MINAR1: variants seen among roughly 807,000 people sequenced by gnomAD.
MINAR1 encodes major intrinsically disordered Notch2-binding receptor 1.
MINAR1 carries 40 observed loss-of-function variants against 65.1 expected under a neutral mutation model. The ratio of observed to expected loss-of-function variants is 0.61; its 90% CI spans 0.48 to 0.80. The LOEUF (loss-of-function observed/expected upper bound fraction) is 0.80, where lower values mean the gene tolerates loss of function less well. MINAR1 is among the 30% of genes least tolerant of loss of function. The pLI is 0.00. For synonymous variants in MINAR1, 482 were observed against 449.1 expected (o/e 1.07, Z -0.93); for missense variants, 1,128 against 1,148.0 (o/e 0.98, Z 0.25).
At chr15:79,466,023 C>T (rs1895838565) in intron 3 of MINAR1, among the ~76,000 whole-genome samples, 2 of 152,052 alleles carry the variant, frequency 1.3e-5, no homozygotes, top group South Asian at 4.1e-4. Context: ...AGGGAAGAGG[C>T]TTCTGGGGCT....
At chr15:79,452,741 T>TGTG (rs1470753128) in intron 1 of MINAR1, among the ~76,000 whole-genome samples, 29 of 89,878 alleles carry the variant, frequency 3.2e-4, no homozygotes, top group Middle Eastern at 6.8e-3. Context: ...TGTGGGTGTG[T>TGTG]GGGGGGGGTG....
Position 79,456,579 on chromosome 15 carries a change from G to T in MINAR1, c.432G>T (p.Arg144Ser). ...CEPLNCELSE[R>S]SFSRGYPIRQ... is the part of the protein sequence containing the mutation. ...CCCTGAACTGTGAGCTGAGTGAGAG[G>T]TCTTTCAGCCGGGGCTACCCCATCA... The change falls in exon 2 of 4, where the codon AGG becomes AGT. Residue 144 changes from arginine (R) to serine (S), a missense_variant. Coordinates refer to ENST00000305428, the MANE Select transcript of MINAR1 (RefSeq NM_015206.3). The T allele has an allele frequency of 6.2e-7, 1 of 1,614,138 alleles. No homozygotes were observed. Among genetic ancestry groups the T allele is most frequent in the Admixed American group, 1.7e-5 (1 of 60,036 alleles).
chr15:79,430,865 C>G (rs541269414), upstream of MINAR1, among the ~76,000 whole-genome samples: 1 of 152,222 alleles, frequency 6.6e-6, no homozygotes, highest in Admixed American at 6.5e-5. Flanking sequence ...AGCAAGTTCA[C>G]TTTTGTTTGC....
intron 1 of MINAR1, among the ~76,000 whole-genome samples, chr15:79,452,223 GTGTA>G (rs1262278539): frequency 1.3e-5 from 2 of 151,778 alleles, no homozygotes; most frequent in Admixed American, 6.6e-5. Flanking sequence ...GCTTGAGAGT[GTGTA>G]TGAATGTGTT....
chr15:79,465,017 A>T (rs1895786705), intron 3 of MINAR1, among the ~76,000 whole-genome samples: 1 of 152,206 alleles, frequency 6.6e-6, no homozygotes, highest in Non-Finnish European at 1.5e-5. Context: ...GAGCTGGAAG[A>T]TTTACCCCCT....
At chr15:79,425,660 G>C in the MINAR1 span, 1 of 152,172 alleles carries the variant, frequency 6.6e-6, no homozygotes, top group African/African-American at 2.4e-5. Context: ...GAATCCTTGA[G>C]CATTGGAGTG....
At chr15:79,460,680 G>A (rs1487179511) in intron 2 of MINAR1, among the ~76,000 whole-genome samples, 3 of 152,008 alleles carry the variant, frequency 2.0e-5, no homozygotes, top group Admixed American at 1.3e-4. Context: ...CTGTGGTTGC[G>A]CAGGGCCCCC....
At chr15:79,420,701 G>T in the MINAR1 span, 35 of 152,300 alleles carry the variant, frequency 2.3e-4, no homozygotes, top group African/African-American at 8.4e-4. Flanking sequence ...GACTTTTATA[G>T]ACAAATCTTC....
rs528577346 is a variant in MINAR1 at position 79,469,809 on chromosome 15, GATA to G, written c.*1430_*1432del. ...ACTAGCTACCTTATATATATTTTTT[GATA>G]ATAAGGTGGGATATAAATAGATTTT... is the stretch of plus-strand genomic sequence containing the variant. On this transcript the variant is annotated 3_prime_UTR_variant, in exon 4 of 4. Transcript: ENST00000305428. 380 of 152,692 alleles carry G rather than the reference GATA, an allele frequency of 2.5e-3. 1 individual carries two copies. Among genetic ancestry groups the G allele is most frequent in the Admixed American group, 5.8e-3 (89 of 15,294 alleles). The allele number at this position is 152,692 out of a possible 1,614,324, so 9.5% of individuals were successfully genotyped here.
chr15:79,452,759 G>A (rs2141289634), intron 1 of MINAR1, among the ~76,000 whole-genome samples: 1 of 137,638 alleles, frequency 7.3e-6, no homozygotes, highest in East Asian at 2.7e-4. Flanking sequence ...GTGTGTGGGT[G>A]AGTGAAGCTG....
upstream of MINAR1, among the ~76,000 whole-genome samples, chr15:79,427,764 A>T (rs1248391613): frequency 1.3e-5 from 2 of 152,202 alleles, no homozygotes; most frequent in South Asian, 2.1e-4. Flanking sequence ...CTTATATAAG[A>T]TACAGGACAA....
Position 79,469,752 on chromosome 15 carries a change from G to T in MINAR1, c.*1368G>T, listed in dbSNP as rs533889657. The T allele has an allele frequency of 6.6e-6, 1 of 152,492 alleles. No individual in the cohort carries two copies. The highest frequency in any genetic ancestry group is 1.5e-5 in the Non-Finnish European group (1 of 68,012). The allele number at this position is 152,492 out of a possible 1,614,324, so 9.4% of individuals were successfully genotyped here. Reference sequence around the variant, plus strand: ...TATCAGCATCTGATTCCAATGTCTTGTTACAGGTCAAAGAAAAAAGGATTG... The same window carrying T: ...TATCAGCATCTGATTCCAATGTCTTTTTACAGGTCAAAGAAAAAAGGATTG... On this transcript the variant is annotated 3_prime_UTR_variant, in exon 4 of 4. Transcript: ENST00000305428.
rs1896059611 is a variant in MINAR1 at position 79,471,033 on chromosome 15, TC to T, written c.*2652del. 1 of 152,132 alleles carries T rather than the reference TC, an allele frequency of 6.6e-6. No individual in the cohort carries two copies. Among genetic ancestry groups the T allele is most frequent in the South Asian group, 2.1e-4 (1 of 4,830 alleles). The allele number at this position is 152,132 out of a possible 1,614,324, so 9.4% of individuals were successfully genotyped here. A position where few individuals can be genotyped will look rare whatever the true frequency, so the allele number is the denominator to read the frequency against. On this transcript the variant is annotated 3_prime_UTR_variant, in exon 4 of 4. Transcript: ENST00000305428. ...GACTCACCCTATCTATCTCCCCTAT[TC>T]CCTCAGTTTGCAGAATGAGCAAGAT...
chr15:79,465,104 G>T (rs528652358), intron 3 of MINAR1, among the ~76,000 whole-genome samples: 1 of 152,250 alleles, frequency 6.6e-6, no homozygotes, highest in South Asian at 2.1e-4. Context: ...ATAGATATTG[G>T]GGTTACAGAG....
chr15:79,457,373 A>C lies in MINAR1; in HGVS notation c.1226A>C (p.Glu409Ala), dbSNP rs367894983. Reference sequence around the variant, plus strand: ...CAGACCCCCAATTTCCCAGCCCCAGAAAGGCGCCCAACTTACCTTGTGCCA... The same window carrying C: ...CAGACCCCCAATTTCCCAGCCCCAGCAAGGCGCCCAACTTACCTTGTGCCA... ...SSQTPNFPAPERRPTYLVPKD... is the reference protein window; with the variant it reads ...SSQTPNFPAPARRPTYLVPKD... The change falls in exon 2 of 4, where the codon GAA becomes GCA. Residue 409 changes from glutamate (E) to alanine (A), a missense_variant. By Grantham distance (107) the Glu-to-Ala change is moderately radical. Coordinates refer to ENST00000305428, the MANE Select transcript of MINAR1 (RefSeq NM_015206.3). 1.2e-6 allele frequency: 2 copies of C among 1,614,184 alleles called. No individual in the cohort carries two copies. The highest frequency in any genetic ancestry group is 2.7e-5 in the African/African-American group (2 of 75,048).
At chr15:79,426,423 CAGG>C in the MINAR1 span, 1 of 152,376 alleles carries the variant, frequency 6.6e-6, no homozygotes, top group South Asian at 2.1e-4. Context: ...TGTCAAGGTT[CAGG>C]AGAAGAGAGG....
At position 79,457,618 on chromosome 15, in the gene MINAR1, T is replaced by C. The variant is rs1270892151; in HGVS notation, c.1471T>C (p.Cys491Arg). The change falls in exon 2 of 4, where the codon TGC becomes CGC. Residue 491 changes from cysteine (C) to arginine (R), a missense_variant. Cys to Arg is a radical substitution (Grantham distance 180, BLOSUM62 -3). Transcript: ENST00000305428. ...VLEPKKCRDL[C>R]TSGQGKYSDR... ...GGAGCCCAAGAAATGCAGAGACCTG[T>C]GCACCTCTGGTCAGGGCAAGTACAG... 2 of 1,614,182 alleles carry C rather than the reference T, an allele frequency of 1.2e-6. No homozygotes were observed. Among genetic ancestry groups the C allele is most frequent in the African/African-American group, 1.3e-5 (1 of 75,046 alleles).
Position 79,463,215 on chromosome 15 carries a change from G to T in MINAR1, c.2447G>T (p.Arg816Leu), listed in dbSNP as rs149019012. 27 of 1,614,090 alleles carry T rather than the reference G, an allele frequency of 1.7e-5. No individual in the cohort carries two copies. The highest frequency in any genetic ancestry group is 2.0e-5 in the Non-Finnish European group (24 of 1,180,056). ...MKSNPLYTDMRLTELAEVKRG... is the reference protein window; with the variant it reads ...MKSNPLYTDMLLTELAEVKRG... ...AGCAACCCCCTGTACACAGACATGC[G>T]GCTGACCGAGTTGGCCGAGGTGAAG... The change falls in exon 3 of 4, where the codon CGG (arginine) becomes CTG (leucine). Residue 816 changes from arginine (R) to leucine (L), a missense_variant. Arg to Leu is a moderately radical substitution (Grantham distance 102). Coordinates refer to ENST00000305428, the MANE Select transcript of MINAR1 (RefSeq NM_015206.3).
upstream of MINAR1, among the ~76,000 whole-genome samples, chr15:79,429,684 C>T (rs965915641): frequency 2.0e-5 from 3 of 152,188 alleles, no homozygotes; most frequent in Admixed American, 6.5e-5. Flanking sequence ...GCCATGAATT[C>T]GCGTCATCCC....
Sources: gnomAD v4.1 joint callset for allele counts (sites outside exome capture counted in the v4.1 genomes callset) on GRCh38, gnomAD v4.1.1 for gene constraint, MANE v1.5 for transcripts, NCBI Gene and HGNC (gene_info 2026-07-23, HGNC 2026-07-21) for gene names.